Variants in RABGAP1L observed in about 807,000 individuals in gnomAD.
The protein encoded by RABGAP1L is RAB GTPase activating protein 1 like, also known as rab GTPase-activating protein 1-like.
In RABGAP1L, 63 loss-of-function variants were observed where a neutral mutation model predicts 137.7. The ratio of observed to expected loss-of-function variants is 0.46; its 90% confidence interval spans 0.37 to 0.56. The LOEUF (loss-of-function observed/expected upper bound fraction) is 0.56, where lower values mean the gene tolerates loss of function less well. RABGAP1L is among the 20% of genes least tolerant of loss of function. The pLI is 0.00. For missense variants in RABGAP1L, 1,095 were observed against 1,244.0 expected (o/e 0.88, Z 1.80); for synonymous variants, 431 against 433.7 (o/e 0.99, Z 0.08).
intron 18 of RABGAP1L, among the ~76,000 whole-genome samples, chr1:174,779,986 A>G (rs1686827855): frequency 6.6e-6 from 1 of 151,858 alleles, no homozygotes; most frequent in African/African-American, 2.4e-5. Flanking sequence ...GAATTGCTTG[A>G]GCCCAGGAGG....
At chr1:174,838,652 G>A (rs564563635) in intron 19 of RABGAP1L, among the ~76,000 whole-genome samples, 3 of 152,094 alleles carry the variant, frequency 2.0e-5, no homozygotes, top group South Asian at 2.1e-4. Flanking sequence ...GACATGGGCC[G>A]GGCGCTGTGG....
chr1:174,288,362 G>T (rs1424008797), intron 10 of RABGAP1L, among the ~76,000 whole-genome samples: 1 of 152,100 alleles, frequency 6.6e-6, no homozygotes, highest in Non-Finnish European at 1.5e-5. Context: ...TCAACTTGAA[G>T]AACTTTGGCA....
intron 15 of RABGAP1L, among the ~76,000 whole-genome samples, chr1:174,683,944 G>A (rs1678277559): frequency 6.6e-6 from 1 of 152,112 alleles, no homozygotes; most frequent in African/African-American, 2.4e-5. Context: ...TCATTTCTGT[G>A]ATGTATTTTT....
At chr1:174,721,737 T>C (rs1402957063) in intron 17 of RABGAP1L, among the ~76,000 whole-genome samples, 3 of 152,176 alleles carry the variant, frequency 2.0e-5, no homozygotes, top group South Asian at 2.1e-4. Context: ...TACAAAGTAT[T>C]TGGGGGCTTA....
intron 13 of RABGAP1L, among the ~76,000 whole-genome samples, chr1:174,628,203 A>G (rs367772006): frequency 3.9e-5 from 6 of 152,278 alleles, no homozygotes; most frequent in African/African-American, 1.2e-4. Context: ...GGATTCATAG[A>G]AAAAAGGGTA....
chr1:174,839,474 A>G (rs1351797368), intron 19 of RABGAP1L, among the ~76,000 whole-genome samples: 1 of 152,204 alleles, frequency 6.6e-6, no homozygotes, highest in Admixed American at 6.5e-5. Context: ...GGACTGATGA[A>G]CAATAGCAGT....
intron 7 of RABGAP1L, among the ~76,000 whole-genome samples, chr1:174,256,521 G>A (rs774636741): frequency 4.6e-5 from 7 of 152,210 alleles, no homozygotes; most frequent in East Asian, 1.9e-4. Context: ...GGTGGCTCAC[G>A]CCTGTAATCC....
intron 13 of RABGAP1L, among the ~76,000 whole-genome samples, chr1:174,506,514 G>C (rs78319351): frequency 0.12 from 18,163 of 152,062 alleles, 3,664 homozygotes; most frequent in African/African-American, 0.41. Flanking sequence ...CAGTAACAAG[G>C]AACTGTTTGA....
At position 174,620,163 on chromosome 1, in the gene RABGAP1L, A is replaced by C. The variant is rs371333458; in HGVS notation, c.1711-17212A>C. 1.2e-4 allele frequency among the ~76,000 whole-genome samples: 19 copies of C among 152,338 alleles called. No individual in the cohort carries two copies. The South Asian group carries it at 3.9e-3, about 32-fold the overall frequency. ...GCCGTTAGAGACCTGCAAGAGACTT[A>C]GACTCCCACACAATAATAATGGGAG... On this transcript the variant is annotated intron_variant, in intron 13 of 25. Coordinates refer to ENST00000681986, the MANE Select transcript of RABGAP1L (RefSeq NM_001366446.1).
intron 18 of RABGAP1L, among the ~76,000 whole-genome samples, chr1:174,777,703 C>G (rs1471327878): frequency 6.6e-6 from 1 of 151,906 alleles, no homozygotes; most frequent in South Asian, 2.1e-4. Context: ...TTAAAAAGAA[C>G]CAAATTAAAC....
intron 18 of RABGAP1L, among the ~76,000 whole-genome samples, chr1:174,790,801 G>A (rs989068388): frequency 1.3e-5 from 2 of 151,476 alleles, no homozygotes; most frequent in African/African-American, 2.4e-5. Flanking sequence ...GGGGCGGGGG[G>A]TATGTGTTTA....
chr1:174,928,237 A>G (rs1663157867), intron 19 of RABGAP1L, among the ~76,000 whole-genome samples: 2 of 152,080 alleles, frequency 1.3e-5, no homozygotes, highest in African/African-American at 4.8e-5. Context: ...GCCAAGCCTT[A>G]TCTACCTCCA....
At chr1:174,399,219 T>G (rs1648248927) in intron 13 of RABGAP1L, among the ~76,000 whole-genome samples, 1 of 152,172 alleles carries the variant, frequency 6.6e-6, no homozygotes, top group South Asian at 2.1e-4. Context: ...AATGATTTTT[T>G]CCTTTCACTG....
intron 1 of RABGAP1L, among the ~76,000 whole-genome samples, chr1:174,166,655 T>G (rs1664933117): frequency 6.6e-6 from 1 of 152,220 alleles, no homozygotes; most frequent in African/African-American, 2.4e-5. Context: ...TTAATCAAGT[T>G]GAAGTACTGG....
chr1:174,807,941 CAAAACAA>C (rs1689471269), intron 18 of RABGAP1L, among the ~76,000 whole-genome samples: 1 of 81,834 alleles, frequency 1.2e-5, no homozygotes, highest in Non-Finnish European at 2.8e-5. Context: ...CTACCAAAAA[CAAAACAA>C]AACAACAACA....
chr1:174,462,107 TC>T (rs1488663694), intron 13 of RABGAP1L, among the ~76,000 whole-genome samples: 1 of 152,158 alleles, frequency 6.6e-6, no homozygotes, highest in Non-Finnish European at 1.5e-5. Flanking sequence ...TTGAAGCTCA[TC>T]ACCAACTTTT....
chr1:174,458,089 G>C (rs1052220634), intron 13 of RABGAP1L, among the ~76,000 whole-genome samples: 2 of 152,104 alleles, frequency 1.3e-5, no homozygotes, highest in African/African-American at 4.8e-5. Flanking sequence ...AGAGCACTTA[G>C]ACTACAAGGG....
chr1:174,850,062 G>C, intron 19 of RABGAP1L: 4 of 544,854 alleles, frequency 7.3e-6, no homozygotes, highest in South Asian at 5.7e-5. Flanking sequence ...GAGGCTGTTG[G>C]TAGAGGGGTG....
intron 19 of RABGAP1L, among the ~76,000 whole-genome samples, chr1:174,937,608 A>G (rs1169371600): frequency 7.3e-6 from 1 of 136,866 alleles, no homozygotes; most frequent in Non-Finnish European, 1.5e-5. Context: ...TTAAATAGCA[A>G]TACTTCATTA....
Sources: allele counts gnomAD v4.1 joint callset (sites outside exome capture counted in the v4.1 genomes callset), GRCh38; gene constraint gnomAD v4.1.1; transcripts MANE v1.5; gene names NCBI Gene and HGNC (gene_info 2026-07-23, HGNC 2026-07-21).